The following COL10A1 variants were observed in gnomAD, a reference collection of about 807,000 sequenced individuals.
The protein encoded by COL10A1 is collagen type X alpha 1 chain, also known as collagen alpha-1(X) chain.
In COL10A1, 10 loss-of-function variants were observed where a neutral mutation model predicts 18.2. That is an observed-to-expected ratio of 0.55 (90% CI 0.34 to 0.93). The LOEUF is 0.93. Ranked by LOEUF, COL10A1 falls within the 40% of genes least tolerant of loss-of-function variation. The pLI is 0.02. For synonymous variants in COL10A1, 330 were observed against 316.6 expected (o/e 1.04, Z -0.45); for missense variants, 897 against 853.5 (o/e 1.05, Z -0.64).
the COL10A1 span, among the ~76,000 whole-genome samples, chr6:116,172,317 C>CTTTTT: frequency 7.4e-5 from 8 of 108,026 alleles, no homozygotes; most frequent in Non-Finnish European, 1.1e-4. Context: ...CCCTTAGTAA[C>CTTTTT]TTTTTTTTTT....
chr6:116,131,029 T>C (rs1355677898), upstream of COL10A1, among the ~76,000 whole-genome samples: 2 of 152,220 alleles, frequency 1.3e-5, no homozygotes, highest in African/African-American at 4.8e-5. Flanking sequence ...TCATTTTGCT[T>C]TCAATTTTTA....
chr6:116,177,387 TTG>T, the COL10A1 span, among the ~76,000 whole-genome samples: 14 of 152,198 alleles, frequency 9.2e-5, no homozygotes. Context: ...TTTATTATTT[TTG>T]TGATTGAAAC....
chr6:116,184,226 A>T, the COL10A1 span, among the ~76,000 whole-genome samples: 20 of 152,076 alleles, frequency 1.3e-4, no homozygotes, highest in Non-Finnish European at 2.5e-4. Context: ...ATGTCAAACT[A>T]TCCCTGCGTC....
chr6:116,145,444 G>T, intron 1 of COL10A1: 1 of 383,774 alleles, frequency 2.6e-6, no homozygotes, highest in Non-Finnish European at 5.8e-6. Context: ...TTAGTAAGAA[G>T]ATTGGCCACA....
At chr6:116,179,400 G>T in the COL10A1 span, among the ~76,000 whole-genome samples, 3,795 of 151,906 alleles carry the variant, frequency 0.025, 144 homozygotes, top group African/African-American at 0.086. Flanking sequence ...TCTGACAAAG[G>T]ACTAATATCT....
At chr6:116,151,454 G>A (rs1780036290) in intron 1 of COL10A1, among the ~76,000 whole-genome samples, 1 of 152,146 alleles carries the variant, frequency 6.6e-6, no homozygotes, top group Non-Finnish European at 1.5e-5. Flanking sequence ...CATTTATAGA[G>A]TAAAATTTTA....
chr6:116,191,553 A>C, the COL10A1 span, among the ~76,000 whole-genome samples: 1 of 152,086 alleles, frequency 6.6e-6, no homozygotes. Context: ...TTATGTAATA[A>C]ATTATACCTT....
chr6:116,126,961 CTGTT>C (rs1779333820), upstream of COL10A1, among the ~76,000 whole-genome samples: 1 of 152,076 alleles, frequency 6.6e-6, no homozygotes, highest in Non-Finnish European at 1.5e-5. Flanking sequence ...TAGTTAGACT[CTGTT>C]TAACAATATT....
Position 116,133,521 on chromosome 6 carries a change from G to A in COL10A1, c.-15-8014C>T, listed in dbSNP as rs146159906. Among the ~76,000 whole-genome samples, 396 of 152,182 alleles carry A rather than the reference G, an allele frequency of 2.6e-3. 10 individuals carry two copies. The South Asian group carries it at 0.044, about 17-fold the overall frequency. On this transcript the variant is annotated intron_variant, in intron 1 of 1. Transcript: ENST00000418500. ...CTGTAGAATATTAAGTACCTATAGG[G>A]CACCTGAGTACCTGTAGGGTCTGTG...
the COL10A1 span, among the ~76,000 whole-genome samples, chr6:116,196,164 C>T: frequency 6.6e-6 from 1 of 152,040 alleles, no homozygotes; most frequent in Non-Finnish European, 1.5e-5. Flanking sequence ...TTCCTTATTA[C>T]TCCTACTCCA....
rs764774097 is a variant in COL10A1 at position 116,120,587 on chromosome 6, G to C, written c.1529C>G (p.Pro510Arg). 4.4e-6 allele frequency: 7 copies of C among 1,591,026 alleles called. No individual in the cohort carries two copies. The South Asian group carries it at 5.7e-5, about 13-fold the overall frequency. The change falls in exon 3 of 3, where the codon CCT becomes CGT. Residue 510 changes from proline (P) to arginine (R), a missense_variant. Pro to Arg is a moderately radical substitution (Grantham distance 103). Transcript: ENST00000651968. ...TTGACCTGGTGGGCCTGGAGGCCCA[G>C]GGGGCCCTGGAAGACCAGGCTCTCC... ...HSGEPGLPGP[P>R]GPPGPPGQAV...
upstream of COL10A1, among the ~76,000 whole-genome samples, chr6:116,160,133 T>C (rs559245973): frequency 6.6e-6 from 1 of 152,312 alleles, no homozygotes; most frequent in Non-Finnish European, 1.5e-5. Context: ...ATATACATAG[T>C]GGTGGGGTTG....
intron 1 of COL10A1, among the ~76,000 whole-genome samples, chr6:116,139,263 A>G (rs1481266764): frequency 6.6e-6 from 1 of 152,132 alleles, no homozygotes; most frequent in East Asian, 1.9e-4. Context: ...TCTACTAGTA[A>G]CAATTTGTGG....
At chr6:116,156,458 TC>T (rs1780195957) in intron 1 of COL10A1, among the ~76,000 whole-genome samples, 1 of 152,172 alleles carries the variant, frequency 6.6e-6, no homozygotes, top group African/African-American at 2.4e-5. Flanking sequence ...ATAGTCTGCC[TC>T]ATAAGGGATT....
chr6:116,196,746 G>T, the COL10A1 span, among the ~76,000 whole-genome samples: 1 of 151,884 alleles, frequency 6.6e-6, no homozygotes, highest in South Asian at 2.1e-4. Context: ...ACTCTGCGGT[G>T]TTGGGAATGC....
chr6:116,128,851 G>A (rs907180307), upstream of COL10A1, among the ~76,000 whole-genome samples: 4 of 152,108 alleles, frequency 2.6e-5, no homozygotes, highest in Admixed American at 1.3e-4. Flanking sequence ...TCTGATATCA[G>A]TGTTCTATTA....
At chr6:116,175,015 T>C in the COL10A1 span, among the ~76,000 whole-genome samples, 1 of 152,182 alleles carries the variant, frequency 6.6e-6, no homozygotes, top group East Asian at 1.9e-4. Context: ...TATAGAATAT[T>C]TCCATGAACA....
At chr6:116,157,328 G>T (rs1008204815) in intron 1 of COL10A1, among the ~76,000 whole-genome samples, 1 of 152,106 alleles carries the variant, frequency 6.6e-6, no homozygotes, top group South Asian at 2.1e-4. Context: ...AACTTGGTTA[G>T]TGGAACCCTA....
At chr6:116,196,871 A>G in the COL10A1 span, among the ~76,000 whole-genome samples, 58 of 151,816 alleles carry the variant, frequency 3.8e-4, no homozygotes, top group African/African-American at 1.3e-3. Flanking sequence ...AGACAGGGAA[A>G]GCAGATACTT....
Sources: allele counts gnomAD v4.1 joint callset (sites outside exome capture counted in the v4.1 genomes callset), GRCh38; gene constraint gnomAD v4.1.1; transcripts MANE v1.5; gene names NCBI Gene and HGNC (gene_info 2026-07-23, HGNC 2026-07-21).